Variants in ELOVL1 observed in about 807,000 individuals in gnomAD.
ELOVL1 encodes the protein ELOVL fatty acid elongase 1, also known as very long chain fatty acid elongase 1.
Under a neutral mutation model 37.8 loss-of-function variants are expected in ELOVL1, and 10 were observed. The ratio of observed to expected loss-of-function variants is 0.26; its 90% confidence interval spans 0.16 to 0.45. The LOEUF (loss-of-function observed/expected upper bound fraction) is 0.45. ELOVL1 is among the 20% of genes least tolerant of loss of function. The pLI, the probability that ELOVL1 is intolerant of heterozygous loss-of-function variation, is 1.00. For synonymous variants in ELOVL1, 133 were observed against 123.8 expected (o/e 1.07, Z -0.49); for missense variants, 256 against 352.7 (o/e 0.73, Z 2.20).
Position 43,363,756 on chromosome 1 carries a change from G to C in ELOVL1, c.*160C>G. ...AAGTGGGTGAGGAACCAAAGCCGTG[G>C]TCCCTGTAGAGCAGCTGTGGGGAGG... On this transcript the variant is annotated 3_prime_UTR_variant, in exon 8 of 8. Transcript: ENST00000372458. 1 of 659,216 alleles carries C rather than the reference G, an allele frequency of 1.5e-6. No homozygotes were observed. The highest frequency in any genetic ancestry group is 2.6e-6 in the Non-Finnish European group (1 of 386,580). The allele number at this position is 659,216 out of a possible 1,614,324, so 40.8% of individuals were successfully genotyped here.
At chr1:43,365,851 C>T (rs889860141) in intron 1 of ELOVL1, among the ~76,000 whole-genome samples, 23 of 152,052 alleles carry the variant, frequency 1.5e-4, no homozygotes, top group African/African-American at 5.3e-4. Flanking sequence ...CCTTCCTCTC[C>T]ACACCTTACT....
rs1243745590 is a variant in ELOVL1, at chr1:43,363,808, G to A, written c.*108C>T. ...GAGGGCCAGTCCCCTGCTCAGTCCT[G>A]ACCACATAAGCCTTGGTCACAGGTG... On this transcript the variant is annotated 3_prime_UTR_variant, in exon 8 of 8. Coordinates refer to ENST00000372458, the MANE Select transcript of ELOVL1 (RefSeq NM_022821.4). The A allele has an allele frequency of 9.5e-7, 1 of 1,057,552 alleles. No homozygotes were observed. Among genetic ancestry groups the A allele is most frequent in the Non-Finnish European group, 1.4e-6 (1 of 700,350 alleles). 65.5% of individuals were successfully genotyped at this position (1,057,552 alleles called of 1,614,324 possible). A position where few individuals can be genotyped will look rare whatever the true frequency, so the allele number is the denominator to read the frequency against.
intron 3 of ELOVL1, 45 bp from the exon 4 acceptor site, chr1:43,365,053 G>A (rs1467120098): frequency 6.3e-7 from 1 of 1,596,686 alleles, no homozygotes; most frequent in Non-Finnish European, 8.5e-7. Flanking sequence ...TCCCTTCCCA[G>A]CCATCCCTCC....
At position 43,364,105 on chromosome 1, in the gene ELOVL1, G is replaced by A. The variant is rs1212068441; in HGVS notation, c.651C>T (p.Ser217=). 2 of 1,614,056 alleles carry A rather than the reference G, an allele frequency of 1.2e-6. No homozygotes were observed. The highest frequency in any genetic ancestry group is 2.2e-5 in the East Asian group (1 of 44,902). Residue 217 remains serine, a synonymous_variant, in exon 8 of 8, where the codon TCC becomes TCT. Coordinates refer to ENST00000372458, the MANE Select transcript of ELOVL1 (RefSeq NM_022821.4). The surrounding 1 kb of genome is among the most constrained non-coding windows in gnomAD (Gnocchi z 5.2). The part of the protein sequence containing the change: ...IQFVLVSLHI[S]QYYFMSSCNY... ...TACAGCTGGACATAAAGTAGTACTGGGAGATGTGCAGTGAGACCAGGACAA... is the reference window on the plus strand; with the variant it reads ...TACAGCTGGACATAAAGTAGTACTGAGAGATGTGCAGTGAGACCAGGACAA...
chr1:43,364,506 T>C lies in ELOVL1; in HGVS notation c.481+36A>G, dbSNP rs1647199079. On this transcript the variant is annotated intron_variant, in intron 6 of 7. Transcript: ENST00000372458. This position sits in a 1 kb window ranked among gnomAD's most constrained non-coding sequence, Gnocchi z 5.2. Reference sequence around the variant, plus strand: ...AGGGTCAGCAGAGTCCAGCCTCTGGTGCCCACCCTTTCCCATAGTGGCCTT... The same window carrying C: ...AGGGTCAGCAGAGTCCAGCCTCTGGCGCCCACCCTTTCCCATAGTGGCCTT... 6.2e-7 allele frequency: 1 copy of C among 1,613,916 alleles called. No individual in the cohort carries two copies.
At chr1:43,365,427 C>A in intron 2 of ELOVL1, 51 bp from the exon 3 acceptor site, 5 of 1,609,604 alleles carry the variant, frequency 3.1e-6, no homozygotes, top group Non-Finnish European at 3.4e-6. Context: ...TTCGAAGGGT[C>A]TTCATTTGAA....
chr1:43,366,149 G>C (rs1211564715), intron 1 of ELOVL1: 1 of 178,918 alleles, frequency 5.6e-6, no homozygotes, highest in Non-Finnish European at 1.2e-5. Context: ...GTCCCTGCCA[G>C]GACTCTCACC....
At position 43,363,864 on chromosome 1, in the gene ELOVL1, C is replaced by T. The variant is rs896989963; in HGVS notation, c.*52G>A. 11 of 1,553,882 alleles carry T rather than the reference C, an allele frequency of 7.1e-6. No homozygotes were observed. The African/African-American group carries it at 1.1e-4, about 15-fold the overall frequency. On this transcript the variant is annotated 3_prime_UTR_variant, in exon 8 of 8. Coordinates refer to ENST00000372458, the MANE Select transcript of ELOVL1 (RefSeq NM_022821.4). ...GGAGAGGGCACTGACGGACACTGCC[C>T]TAAGGTGCAGTCCTGAGGCACTTAG...
intron 3 of ELOVL1, 54 bp downstream of exon 3, chr1:43,365,132 G>T: frequency 6.2e-7 from 1 of 1,607,364 alleles, no homozygotes; most frequent in Admixed American, 1.7e-5. Context: ...TGGCTCTATG[G>T]CCTGCTCCTT....
Position 43,363,701 on chromosome 1 carries a change from T to TGAGG in ELOVL1, c.*211_*214dup, listed in dbSNP as rs1190244621. On this transcript the variant is annotated 3_prime_UTR_variant, in exon 8 of 8. Coordinates refer to ENST00000372458, the MANE Select transcript of ELOVL1 (RefSeq NM_022821.4). ...CCAGCTCTGGAGTGGCAGACAGCAA[T>TGAGG]GAGGCCACATCCCTGGAGCTGCCCG... 1 of 573,652 alleles carries TGAGG rather than the reference T, an allele frequency of 1.7e-6. No individual in the cohort carries two copies. The allele number at this position is 573,652 out of a possible 1,614,324, so 35.5% of individuals were successfully genotyped here. A position where few individuals can be genotyped will look rare whatever the true frequency, so the allele number is the denominator to read the frequency against.
Position 43,365,377 on chromosome 1 carries a change from C to A in ELOVL1, c.47-1G>T. On this transcript the variant is annotated splice_acceptor_variant, in intron 2 of 7. Transcript: ENST00000372458. LOFTEE classifies it high-confidence loss of function. Reference sequence around the variant, plus strand: ...AGAGGGTAGCCCTGGATCCGGGGATCTATGAATAAGGGTCAAAGGAATCAG... The same window carrying A: ...AGAGGGTAGCCCTGGATCCGGGGATATATGAATAAGGGTCAAAGGAATCAG... 6.2e-7 allele frequency: 1 copy of A among 1,610,864 alleles called. No homozygotes were observed. The highest frequency in any genetic ancestry group is 8.5e-7 in the Non-Finnish European group (1 of 1,178,340).
At chr1:43,366,882 A>G (rs1378632055) in intron 1 of ELOVL1, among the ~76,000 whole-genome samples, 2 of 151,932 alleles carry the variant, frequency 1.3e-5, no homozygotes, top group Non-Finnish European at 2.9e-5. Context: ...CTCTGGCCAG[A>G]CCCAGGAGAG....
Position 43,363,894 on chromosome 1 carries a change from G to A in ELOVL1, c.*22C>T. On this transcript the variant is annotated 3_prime_UTR_variant, in exon 8 of 8. Coordinates refer to ENST00000372458, the MANE Select transcript of ELOVL1 (RefSeq NM_022821.4). ...GTGCAGTCCTGAGGCACTTAGGTGG[G>A]CGCCTATCTAGGCCATGCTTCTCAG... is the stretch of plus-strand genomic sequence containing the variant. 1 of 1,610,438 alleles carries A rather than the reference G, an allele frequency of 6.2e-7. No individual in the cohort carries two copies. The highest frequency in any genetic ancestry group is 2.2e-4 in the Middle Eastern group (1 of 4,594).
chr1:43,363,834 T>C lies in ELOVL1; in HGVS notation c.*82A>G, dbSNP rs1005460454. ...ACCACATAAGCCTTGGTCACAGGTG[T>C]AGGTGGAGAGGGCACTGACGGACAC... On this transcript the variant is annotated 3_prime_UTR_variant, in exon 8 of 8. Transcript: ENST00000372458. The C allele has an allele frequency of 3.9e-6, 5 of 1,284,690 alleles. No homozygotes were observed. The African/African-American group carries it at 7.3e-5, about 19-fold the overall frequency. The allele number at this position is 1,284,690 out of a possible 1,614,324, so 79.6% of individuals were successfully genotyped here. A position where few individuals can be genotyped will look rare whatever the true frequency, so the allele number is the denominator to read the frequency against.
Position 43,364,215 on chromosome 1 carries a change from C to G in ELOVL1, c.619-78G>C. ...AAGAGGGGGTAGAGAAAGAGACAAA[C>G]GTTGAGTAGGGAGAGATGGGGTCAA... On this transcript the variant is annotated intron_variant, in intron 7 of 7. Coordinates refer to ENST00000372458, the MANE Select transcript of ELOVL1 (RefSeq NM_022821.4). This position sits in a 1 kb window ranked among gnomAD's most constrained non-coding sequence, Gnocchi z 5.2. 2.5e-6 allele frequency: 4 copies of G among 1,609,074 alleles called. No individual in the cohort carries two copies. The highest frequency in any genetic ancestry group is 3.4e-6 in the Non-Finnish European group (4 of 1,176,882).
rs1409492689 is a variant in ELOVL1, at chr1:43,364,297, A to G, written c.618+27T>C. Reference sequence around the variant, plus strand: ...AGGCTAGGAATGTGGGGGGATGGTTATAGGTAAGTCAGGCCAAGCCCCTCA... The same window carrying G: ...AGGCTAGGAATGTGGGGGGATGGTTGTAGGTAAGTCAGGCCAAGCCCCTCA... On this transcript the variant is annotated intron_variant, in intron 7 of 7. Transcript: ENST00000372458. This position sits in a 1 kb window ranked among gnomAD's most constrained non-coding sequence, Gnocchi z 5.2. 2 of 1,613,912 alleles carry G rather than the reference A, an allele frequency of 1.2e-6. No individual in the cohort carries two copies. Among genetic ancestry groups the G allele is most frequent in the African/African-American group, 2.7e-5 (2 of 75,026 alleles).
rs548723000 is a variant in ELOVL1 at position 43,364,135 on chromosome 1, G to C, written c.621C>G (p.Ile207Met). Residue 207 changes from isoleucine (I) to methionine (M), a missense_variant and splice_region_variant, in exon 8 of 8, where the codon ATC becomes ATG. Around this residue, in one of 3 missense-constraint regions of ELOVL1, gnomAD observed 39 missense variants for 89.9 expected, o/e 0.43. Transcript: ENST00000372458. This position sits in a 1 kb window ranked among gnomAD's most constrained non-coding sequence, Gnocchi z 5.2. Reference sequence around the variant, plus strand: ...TGTGCAGTGAGACCAGGACAAACTGGATCTAGGATAGAGAAAGACCAGGGT... The same window carrying C: ...TGTGCAGTGAGACCAGGACAAACTGCATCTAGGATAGAGAAAGACCAGGGT... ...WKKHMTAIQL[I>M]QFVLVSLHIS... is the part of the protein sequence containing the mutation. The C allele has an allele frequency of 6.2e-7, 1 of 1,614,100 alleles. No homozygotes were observed. The highest frequency in any genetic ancestry group is 8.5e-7 in the Non-Finnish European group (1 of 1,179,986).
Position 43,364,787 on chromosome 1 carries a change from C to T in ELOVL1, c.326G>A (p.Arg109Gln), listed in dbSNP as rs369601555. 12 of 1,614,044 alleles carry T rather than the reference C, an allele frequency of 7.4e-6. No individual in the cohort carries two copies. The highest frequency in any genetic ancestry group is 1.7e-5 in the Admixed American group (1 of 59,994). ...GGAGAAGAGGAAGAGCCAGGCCACCCGAACCATCTGCAAGAAGTTGGGATA... is the reference window on the plus strand; with the variant it reads ...GGAGAAGAGGAAGAGCCAGGCCACCTGAACCATCTGCAAGAAGTTGGGATA... Reference protein sequence around the residue: ...SNSPEALRMVRVAWLFLFSKF... With the variant: ...SNSPEALRMVQVAWLFLFSKF... Residue 109 changes from arginine (R) to glutamine (Q), a missense_variant, in exon 5 of 8, where the codon CGG (arginine) becomes CAG (glutamine). Coordinates refer to ENST00000372458, the MANE Select transcript of ELOVL1 (RefSeq NM_022821.4). This position sits in a 1 kb window ranked among gnomAD's most constrained non-coding sequence, Gnocchi z 5.2.
At position 43,364,009 on chromosome 1, in the gene ELOVL1, G is replaced by A. The variant is rs760234755; in HGVS notation, c.747C>T (p.Asn249=). ...YGTIFFMLFS[N]FWYHSYTKGK... Reference sequence around the variant, plus strand: ...CCTTGGTATAAGAGTGATACCAGAAGTTGGAGAACAGCATGAAGAAGATGG... The same window carrying A: ...CCTTGGTATAAGAGTGATACCAGAAATTGGAGAACAGCATGAAGAAGATGG... Residue 249 remains asparagine, a synonymous_variant, in exon 8 of 8, where the codon AAC becomes AAT. Transcript: ENST00000372458. The surrounding 1 kb of genome is among the most constrained non-coding windows in gnomAD (Gnocchi z 5.2). The A allele has an allele frequency of 9.9e-6, 16 of 1,614,230 alleles. No individual in the cohort carries two copies. The highest frequency in any genetic ancestry group is 1.3e-5 in the Non-Finnish European group (15 of 1,180,050).
Sources: allele counts gnomAD v4.1 joint callset (sites outside exome capture counted in the v4.1 genomes callset), GRCh38; gene constraint gnomAD v4.1.1; regional missense constraint gnomAD v4.1.1; non-coding constraint Gnocchi (gnomAD v3.1); transcripts MANE v1.5; gene names NCBI Gene and HGNC (gene_info 2026-07-23, HGNC 2026-07-21).